The following TEAD1 variants were observed in gnomAD, a reference collection of about 807,000 sequenced individuals.
TEAD1 encodes the protein transcriptional enhancer factor TEF-1.
In TEAD1, 9 loss-of-function variants were observed where a neutral mutation model predicts 54.9. That is an observed-to-expected ratio of 0.16 (90% CI 0.10 to 0.29). The LOEUF (loss-of-function observed/expected upper bound fraction) is 0.29. TEAD1 is among the 10% of genes least tolerant of loss of function. TEAD1 has a pLI of 1.00. For missense variants in TEAD1, 387 were observed against 535.9 expected (o/e 0.72, Z 2.74); for synonymous variants, 200 against 187.8 (o/e 1.07, Z -0.53).
intron 2 of TEAD1, among the ~76,000 whole-genome samples, chr11:12,727,330 G>A (rs1944332481): frequency 6.6e-6 from 1 of 152,174 alleles, no homozygotes; most frequent in Non-Finnish European, 1.5e-5. Context: ...GACTGACGCA[G>A]GAGAGGCAGC....
At chr11:12,875,035 T>C (rs1441889287) in intron 5 of TEAD1, among the ~76,000 whole-genome samples, 1 of 152,216 alleles carries the variant, frequency 6.6e-6, no homozygotes, top group Non-Finnish European at 1.5e-5. Flanking sequence ...GAATATTTCC[T>C]GTAACCTAAG....
chr11:12,882,910 C>T (rs1189355395), intron 8 of TEAD1, 91 bp from the exon 9 acceptor site: 7 of 1,602,538 alleles, frequency 4.4e-6, no homozygotes, highest in African/African-American at 1.3e-5. Flanking sequence ...GCATTTCCTT[C>T]TGGGTCATCT....
intron 3 of TEAD1, among the ~76,000 whole-genome samples, chr11:12,785,666 G>A (rs1050700939): frequency 6.6e-6 from 1 of 152,068 alleles, no homozygotes; most frequent in Admixed American, 6.5e-5. Context: ...ATGACTTTAG[G>A]TTCCGGGAAC....
chr11:12,864,752 C>T (rs1276877954), intron 4 of TEAD1, 86 bp from the exon 5 acceptor site: 7 of 1,611,556 alleles, frequency 4.3e-6, no homozygotes, highest in East Asian at 4.5e-5. Context: ...CATTAAGGTA[C>T]GTCTGGCTTG....
Position 12,881,879 on chromosome 11 carries a change from C to T in TEAD1, c.513-17C>T, listed in dbSNP as rs781240349. On this transcript the variant is annotated splice_polypyrimidine_tract_variant and intron_variant, in intron 7 of 12. Coordinates refer to ENST00000527636, the MANE Select transcript of TEAD1 (RefSeq NM_021961.6). ...GATGCGATCTCTTAACTCTGTCTGCCATCTCTCTGTTCCCAGCGTCAAGCC... is the reference window on the plus strand; with the variant it reads ...GATGCGATCTCTTAACTCTGTCTGCTATCTCTCTGTTCCCAGCGTCAAGCC... 3.1e-6 allele frequency: 5 copies of T among 1,613,948 alleles called. No homozygotes were observed. In the East Asian group the frequency reaches 1.1e-4, roughly 36 times the overall value.
chr11:12,759,723 G>A lies in TEAD1; in HGVS notation c.-54-4456G>A, dbSNP rs188068410. On this transcript the variant is annotated intron_variant, in intron 2 of 12. Transcript: ENST00000527636. Reference sequence around the variant, plus strand: ...TAAAAAATACAAAAATTAGCTGAGCGTGGTGGTGAATGCCTGTAATCCCAG... The same window carrying A: ...TAAAAAATACAAAAATTAGCTGAGCATGGTGGTGAATGCCTGTAATCCCAG... Among the ~76,000 whole-genome samples, 25 of 152,266 alleles carry A rather than the reference G, an allele frequency of 1.6e-4. No individual in the cohort carries two copies. In the East Asian group the frequency reaches 3.5e-3, roughly 21 times the overall value.
intron 10 of TEAD1, among the ~76,000 whole-genome samples, chr11:12,910,372 A>G (rs1237078050): frequency 6.6e-6 from 1 of 152,236 alleles, no homozygotes; most frequent in African/African-American, 2.4e-5. Context: ...AAGGGTGTCA[A>G]GATTGGAAAC....
chr11:12,794,017 C>T (rs1053069144), intron 3 of TEAD1, among the ~76,000 whole-genome samples: 2 of 152,128 alleles, frequency 1.3e-5, no homozygotes, highest in African/African-American at 2.4e-5. Flanking sequence ...AGTAAAATGG[C>T]GATGATCTTT....
chr11:12,866,580 TAAC>T (rs1054236504), intron 5 of TEAD1, among the ~76,000 whole-genome samples: 3 of 152,100 alleles, frequency 2.0e-5, no homozygotes, highest in Admixed American at 1.3e-4. Context: ...AAAAAAAAAT[TAAC>T]AATAATAAAA....
At chr11:12,729,834 A>G (rs1319487277) in intron 2 of TEAD1, among the ~76,000 whole-genome samples, 2 of 152,192 alleles carry the variant, frequency 1.3e-5, no homozygotes, top group African/African-American at 4.8e-5. Context: ...CTAATTCTCA[A>G]GGCATGTTGC....
chr11:12,870,202 A>G (rs1947714066), intron 5 of TEAD1, among the ~76,000 whole-genome samples: 1 of 152,140 alleles, frequency 6.6e-6, no homozygotes, highest in Middle Eastern at 3.2e-3. Context: ...ATTATCTACC[A>G]TGAATTTGTG....
chr11:12,795,872 G>A (rs1412293893), intron 3 of TEAD1, among the ~76,000 whole-genome samples: 1 of 152,118 alleles, frequency 6.6e-6, no homozygotes, highest in African/African-American at 2.4e-5. Context: ...AACAGTGATG[G>A]CAGCCTTACC....
chr11:12,728,969 C>T (rs1250791682), intron 2 of TEAD1, among the ~76,000 whole-genome samples: 5 of 152,190 alleles, frequency 3.3e-5, no homozygotes, highest in Non-Finnish European at 5.9e-5. Context: ...AGCCCTGACA[C>T]CTGCAAAGCT....
At chr11:12,842,792 A>G (rs1330892314) in intron 3 of TEAD1, among the ~76,000 whole-genome samples, 1 of 152,252 alleles carries the variant, frequency 6.6e-6, no homozygotes, top group East Asian at 1.9e-4. Context: ...GAATACAAAA[A>G]TGAACTAAGT....
chr11:12,763,643 CAG>C (rs745594918), intron 2 of TEAD1, among the ~76,000 whole-genome samples: 2 of 152,200 alleles, frequency 1.3e-5, no homozygotes, highest in Non-Finnish European at 2.9e-5. Flanking sequence ...GTGACACTAA[CAG>C]AGTTTCCGAG....
At chr11:12,821,553 T>G (rs1564951937) in intron 3 of TEAD1, among the ~76,000 whole-genome samples, 1 of 152,188 alleles carries the variant, frequency 6.6e-6, no homozygotes, top group Non-Finnish European at 1.5e-5. Flanking sequence ...AAATGATACC[T>G]TCATTGGGGG....
intron 9 of TEAD1, among the ~76,000 whole-genome samples, chr11:12,886,904 A>G (rs1157059868): frequency 1.3e-5 from 2 of 152,136 alleles, no homozygotes; most frequent in Non-Finnish European, 2.9e-5. Context: ...GTATTATGAT[A>G]CTAAGTGATG....
chr11:12,694,422 T>C (rs1478248542), intron 2 of TEAD1, among the ~76,000 whole-genome samples: 1 of 152,140 alleles, frequency 6.6e-6, no homozygotes, highest in Non-Finnish European at 1.5e-5. Context: ...TTTTTTCCTT[T>C]TGCAGTGTTT....
chr11:12,802,483 T>C (rs1946079183), intron 3 of TEAD1, among the ~76,000 whole-genome samples: 1 of 152,128 alleles, frequency 6.6e-6, no homozygotes, highest in African/African-American at 2.4e-5. Context: ...CAATTACATG[T>C]TCCCCCCATC....
Sources: gnomAD v4.1 joint callset for allele counts (sites outside exome capture counted in the v4.1 genomes callset) on GRCh38, gnomAD v4.1.1 for gene constraint, MANE v1.5 for transcripts, NCBI Gene and HGNC (gene_info 2026-07-23, HGNC 2026-07-21) for gene names.